The following NSD2 variants were observed in gnomAD, a reference collection of about 807,000 sequenced individuals.
The protein encoded by NSD2 is nuclear receptor binding SET domain protein 2, also known as histone-lysine N-methyltransferase NSD2.
NSD2 carries 12 observed loss-of-function variants against 139.0 expected under a neutral mutation model. That is an observed-to-expected ratio of 0.09 (90% CI 0.06 to 0.14). The LOEUF is 0.14. Ranked by LOEUF, NSD2 falls within the 10% of genes least tolerant of loss-of-function variation. The pLI, the probability that NSD2 is intolerant of heterozygous loss-of-function variation, is 1.00. For missense variants in NSD2, 1,155 were observed against 1,745.0 expected, an observed-to-expected ratio of 0.66 and a Z score of 6.02; for synonymous variants, 669 against 648.7, an observed-to-expected ratio of 1.03 and a Z score of -0.48.
In NSD2 at chr4:1,975,406, G is replaced by A; in HGVS notation, c.3621+6G>A. 6.2e-7 allele frequency: 1 copy of A among 1,613,546 alleles called. No individual in the cohort carries two copies. The highest frequency in any genetic ancestry group is 8.5e-7 in the Non-Finnish European group (1 of 1,179,544). ...TCCTCGGGGATAGACCAAAGGTAAG[G>A]CTGTGGCGCCCTCCTTCCCCCCAGG... On this transcript the variant is annotated splice_donor_region_variant and intron_variant, in intron 20 of 21. Transcript: ENST00000508803.
Position 1,951,148 on chromosome 4 carries a change from T to C in NSD2, c.1958T>C (p.Val653Ala). The stretch of plus-strand genomic sequence containing the variant: ...GACGAAACACAAACTGAAGTATCTG[T>C]CTCATCCAAAAAGTCTGAGCGAGGA... ...SADETQTEVS[V>A]SSKKSERGVT... The change falls in exon 10 of 22, where the codon GTC becomes GCC. Residue 653 changes from valine to alanine, a missense_variant. By Grantham distance (64) the Val-to-Ala change is moderately conservative (BLOSUM62 0). Coordinates refer to ENST00000508803, the MANE Select transcript of NSD2 (RefSeq NM_001042424.3). 6.2e-7 allele frequency: 1 copy of C among 1,614,220 alleles called. No homozygotes were observed. Among genetic ancestry groups the C allele is most frequent in the South Asian group, 1.1e-5 (1 of 91,088 alleles).
chr4:1,907,923 A>T (rs1718151617), intron 3 of NSD2, among the ~76,000 whole-genome samples: 1 of 152,162 alleles, frequency 6.6e-6, no homozygotes. Context: ...CTTTTGTTGC[A>T]TGATGGCTGG....
At position 1,918,567 on chromosome 4, in the gene NSD2, A is replaced by G. The variant is rs1719719903; in HGVS notation, c.1354A>G (p.Arg452Gly). The change falls in exon 5 of 22, where the codon AGG becomes GGG. Residue 452 changes from arginine (R) to glycine (G), a missense_variant. By Grantham distance (125) the Arg-to-Gly change is moderately radical. Transcript: ENST00000508803. ...GACCACAGTCTCCATGCCACGAAGC[A>G]GGAAGGGAGATGCAGCATCCCAGTT... ...KKTTVSMPRS[R>G]KGDAASQFLV... The G allele has an allele frequency of 1.2e-6, 2 of 1,614,000 alleles. No individual in the cohort carries two copies. Among genetic ancestry groups the G allele is most frequent in the Non-Finnish European group, 1.7e-6 (2 of 1,179,998 alleles).
rs555373266 is a variant in NSD2, at chr4:1,950,328, G to A, written c.1882-744G>A. On this transcript the variant is annotated intron_variant, in intron 9 of 21. Coordinates refer to ENST00000508803, the MANE Select transcript of NSD2 (RefSeq NM_001042424.3). Reference sequence around the variant, plus strand: ...ATACAACCTGCGAGCAATTCCACTCGCTCAGGGATTCCATGCCTTTATCCC... The same window carrying A: ...ATACAACCTGCGAGCAATTCCACTCACTCAGGGATTCCATGCCTTTATCCC... Among the ~76,000 whole-genome samples, 7 of 152,272 alleles carry A rather than the reference G, an allele frequency of 4.6e-5. No individual in the cohort carries two copies. The South Asian group carries it at 6.2e-4, about 14-fold the overall frequency.
chr4:1,934,779 C>T (rs1213567349), intron 6 of NSD2, among the ~76,000 whole-genome samples: 34 of 135,200 alleles, frequency 2.5e-4, no homozygotes, highest in South Asian at 7.6e-4. Context: ...ACCCACGAGG[C>T]GGAGGTTGCA....
chr4:1,978,214 CGAGAGGGTG>C (rs1285494023), intron 21 of NSD2, among the ~76,000 whole-genome samples: 1 of 152,124 alleles, frequency 6.6e-6, no homozygotes, highest in African/African-American at 2.4e-5. Context: ...GCCATGGGTG[CGAGAGGGTG>C]GTCCCTAACG....
At chr4:1,977,662 G>T (rs1219400948) in intron 21 of NSD2, among the ~76,000 whole-genome samples, 2 of 152,018 alleles carry the variant, frequency 1.3e-5, no homozygotes, top group East Asian at 3.9e-4. Flanking sequence ...TGTAATCCCA[G>T]CTATTCGGGA....
At chr4:1,891,717 C>CG (rs903323684) in intron 1 of NSD2, among the ~76,000 whole-genome samples, 173 of 151,984 alleles carry the variant, frequency 1.1e-3, no homozygotes, top group African/African-American at 4.1e-3. Context: ...ATTAGCCGGG[C>CG]GTGGTGGTCG....
Position 1,953,411 on chromosome 4 carries a change from C to G in NSD2, c.2225C>G (p.Ala742Gly), listed in dbSNP as rs1458389813. 1 of 1,614,172 alleles carries G rather than the reference C, an allele frequency of 6.2e-7. No homozygotes were observed. The highest frequency in any genetic ancestry group is 1.1e-5 in the South Asian group (1 of 91,086). The part of the protein sequence containing the change: ...VTQCGKFYHE[A>G]CVKKYPLTVF... ...CAGTGTGGAAAATTTTACCATGAGG[C>G]TTGTGTGAAAAAATACCCTCTGACT... Residue 742 changes from alanine to glycine, a missense_variant, in exon 12 of 22, where the codon GCT becomes GGT. By Grantham distance (60) the Ala-to-Gly change is moderately conservative. This residue lies in a region of NSD2 where 120 missense variants were observed against 239.3 expected (regional missense o/e 0.50). Transcript: ENST00000508803.
rs1458498845 is a variant in NSD2 at position 1,948,404 on chromosome 4, G to A, written c.1882-2668G>A. 7.5e-6 allele frequency: 8 copies of A among 1,065,978 alleles called. No homozygotes were observed. The highest frequency in any genetic ancestry group is 9.1e-6 in the Non-Finnish European group (8 of 878,854). 66.0% of individuals were successfully genotyped at this position (1,065,978 alleles called of 1,614,324 possible). A position where few individuals can be genotyped will look rare whatever the true frequency, so the allele number is the denominator to read the frequency against. On this transcript the variant is annotated intron_variant, in intron 9 of 21. Transcript: ENST00000508803. The surrounding 1 kb of genome is among the most constrained non-coding windows in gnomAD (Gnocchi z 4.5). ...CAAATGGCTTCTCCGAGTGAGTCAC[G>A]TCACCTGGTGCGTGGAGGTGGAGCC...
At chr4:1,889,524 G>C (rs543160765) in intron 1 of NSD2, among the ~76,000 whole-genome samples, 2 of 149,960 alleles carry the variant, frequency 1.3e-5, no homozygotes, top group Admixed American at 6.6e-5. Flanking sequence ...TTTTTGAGTC[G>C]GAGTTTTGCT....
chr4:1,975,831 T>G (rs1012199105), intron 20 of NSD2, among the ~76,000 whole-genome samples: 4 of 152,200 alleles, frequency 2.6e-5, no homozygotes, highest in Non-Finnish European at 5.9e-5. Context: ...CTGGTCCTGT[T>G]GACTTAGCGC....
intron 9 of NSD2, among the ~76,000 whole-genome samples, chr4:1,949,852 G>A (rs529264955): frequency 8.6e-5 from 13 of 151,870 alleles, no homozygotes; most frequent in Admixed American, 2.6e-4. Flanking sequence ...TTCTTCCACC[G>A]CTCCCTGCAA....
intron 5 of NSD2, among the ~76,000 whole-genome samples, chr4:1,928,631 A>T (rs913189773): frequency 4.0e-5 from 6 of 151,504 alleles, no homozygotes; most frequent in Admixed American, 1.3e-4. Flanking sequence ...TTGTGAGGCG[A>T]GGTGGCTGCA....
At chr4:1,873,975 C>T (rs1214974050) in intron 1 of NSD2, among the ~76,000 whole-genome samples, 1 of 152,138 alleles carries the variant, frequency 6.6e-6, no homozygotes, top group Non-Finnish European at 1.5e-5. Flanking sequence ...GTGATTCTCC[C>T]GCCTCAGCCT....
intron 5 of NSD2, among the ~76,000 whole-genome samples, chr4:1,921,969 GA>G (rs1720201929): frequency 6.6e-6 from 1 of 152,068 alleles, no homozygotes; most frequent in Non-Finnish European, 1.5e-5. Context: ...CCAACATGGT[GA>G]AATCCCATCT....
At chr4:1,872,637 C>CAA (rs1713952367) in intron 1 of NSD2, among the ~76,000 whole-genome samples, 1 of 81,746 alleles carries the variant, frequency 1.2e-5, no homozygotes, top group Admixed American at 1.4e-4. Context: ...AGAGAGAGAG[C>CAA]GCGCAGACCC....
chr4:1,888,315 A>G (rs925985571), intron 1 of NSD2, among the ~76,000 whole-genome samples: 9 of 149,724 alleles, frequency 6.0e-5, no homozygotes, highest in Admixed American at 1.3e-4. Flanking sequence ...AGGAGGCTGA[A>G]GCAGGGAGAA....
intron 1 of NSD2, among the ~76,000 whole-genome samples, chr4:1,886,566 T>G (rs1463381734): frequency 6.6e-6 from 1 of 152,138 alleles, no homozygotes; most frequent in Non-Finnish European, 1.5e-5. Flanking sequence ...GCGCGGTGAC[T>G]CACGCCTGTA....
Sources: allele counts gnomAD v4.1 joint callset (sites outside exome capture counted in the v4.1 genomes callset), GRCh38; gene constraint gnomAD v4.1.1; regional missense constraint gnomAD v4.1.1; non-coding constraint Gnocchi (gnomAD v3.1); transcripts MANE v1.5; gene names NCBI Gene and HGNC (gene_info 2026-07-23, HGNC 2026-07-21).